Variants in SPHKAP observed in about 807,000 individuals in gnomAD.
SPHKAP encodes the protein A-kinase anchor protein SPHKAP.
A neutral mutation model predicts 137.5 loss-of-function variants in SPHKAP; 67 were observed. The observed-to-expected ratio is 0.49, with a 90% CI of 0.40 to 0.60. The LOEUF (loss-of-function observed/expected upper bound fraction) is 0.60, where lower values mean the gene tolerates loss of function less well. Ranked by LOEUF, SPHKAP falls within the 20% of genes least tolerant of loss-of-function variation. The pLI, the probability that SPHKAP is intolerant of heterozygous loss-of-function variation, is 0.00. For missense variants in SPHKAP, 2,097 were observed against 2,069.3 expected (o/e 1.01, Z -0.26); for synonymous variants, 813 against 785.3 (o/e 1.04, Z -0.59).
In SPHKAP at chr2:228,146,799, T is replaced by A. The variant is rs1699789829; in HGVS notation, c.33-14714A>T. 2.0e-5 allele frequency among the ~76,000 whole-genome samples: 3 copies of A among 152,370 alleles called. No homozygotes were observed. In the South Asian group the frequency reaches 6.2e-4, roughly 32 times the overall value. ...TGTACCACATTTTCTTTAACCAATC[T>A]GTCATTGATGAGCATATAGGTTCAT... On this transcript the variant is annotated intron_variant, in intron 1 of 11. Coordinates refer to ENST00000392056, the MANE Select transcript of SPHKAP (RefSeq NM_001142644.2).
chr2:228,060,082 CTG>C (rs2106285429), intron 3 of SPHKAP, among the ~76,000 whole-genome samples: 1 of 152,272 alleles, frequency 6.6e-6, no homozygotes, highest in East Asian at 1.9e-4. Flanking sequence ...ATGCTATAGT[CTG>C]TTCTTTTAAC....
chr2:228,095,337 G>A (rs1272155280), intron 3 of SPHKAP, among the ~76,000 whole-genome samples: 3 of 152,190 alleles, frequency 2.0e-5, no homozygotes, highest in Non-Finnish European at 4.4e-5. Context: ...AAGCAACCAG[G>A]CTTTTGGACA....
chr2:228,167,131 G>A (rs1700444797), intron 1 of SPHKAP, among the ~76,000 whole-genome samples: 1 of 152,188 alleles, frequency 6.6e-6, no homozygotes, highest in South Asian at 2.1e-4. Flanking sequence ...TCAGCAGGAG[G>A]TTTGGGTGGG....
At chr2:227,981,970 T>C (rs189998646) in intron 11 of SPHKAP, 110 bp from the exon 12 acceptor site, 862 of 1,401,528 alleles carry the variant, frequency 6.2e-4, no homozygotes, top group Non-Finnish European at 7.4e-4. Flanking sequence ...TTTAAATGTC[T>C]CTAGTGTCAG....
At chr2:228,099,718 G>A (rs1698122122) in intron 3 of SPHKAP, among the ~76,000 whole-genome samples, 1 of 151,986 alleles carries the variant, frequency 6.6e-6, no homozygotes, top group Non-Finnish European at 1.5e-5. Flanking sequence ...GTATTATGTA[G>A]TTCTCTTTGT....
At chr2:228,126,497 A>ATT (rs1699079659) in intron 2 of SPHKAP, among the ~76,000 whole-genome samples, 1 of 152,206 alleles carries the variant, frequency 6.6e-6, no homozygotes, top group South Asian at 2.1e-4. Context: ...CAATCACTAA[A>ATT]ACCTCAGTGT....
intron 1 of SPHKAP, among the ~76,000 whole-genome samples, chr2:228,165,750 T>G (rs1044072674): frequency 3.9e-5 from 6 of 152,242 alleles, no homozygotes; most frequent in African/African-American, 1.4e-4. Context: ...ATTACAAGAT[T>G]GTGTAAGAAA....
intron 1 of SPHKAP, among the ~76,000 whole-genome samples, chr2:228,170,792 T>G (rs1159058153): frequency 6.6e-6 from 1 of 152,160 alleles, no homozygotes; most frequent in Non-Finnish European, 1.5e-5. Flanking sequence ...ATTGTATTTT[T>G]CTGGAACCAA....
intron 7 of SPHKAP, among the ~76,000 whole-genome samples, chr2:228,003,329 A>G (rs544542310): frequency 1.4e-3 from 216 of 152,280 alleles, no homozygotes; most frequent in Middle Eastern, 6.8e-3. Flanking sequence ...CTTTGAAGCA[A>G]TTGTGAATGG....
intron 1 of SPHKAP, among the ~76,000 whole-genome samples, chr2:228,163,179 C>A (rs1474351654): frequency 1.3e-5 from 2 of 152,158 alleles, no homozygotes; most frequent in Non-Finnish European, 2.9e-5. Flanking sequence ...TCAGCAGCAA[C>A]AATGACAGGC....
At chr2:228,064,975 C>T (rs1696779865) in intron 3 of SPHKAP, among the ~76,000 whole-genome samples, 1 of 152,188 alleles carries the variant, frequency 6.6e-6, no homozygotes, top group Non-Finnish European at 1.5e-5. Flanking sequence ...ACATTATTTT[C>T]CCACCTTCCC....
At chr2:228,092,372 TAC>T (rs1213570189) in intron 3 of SPHKAP, among the ~76,000 whole-genome samples, 2 of 140,114 alleles carry the variant, frequency 1.4e-5, no homozygotes, top group African/African-American at 2.6e-5. Context: ...CACATATACA[TAC>T]AGATATACAT....
intron 1 of SPHKAP, among the ~76,000 whole-genome samples, chr2:228,150,422 G>A (rs909375427): frequency 2.0e-5 from 3 of 152,112 alleles, no homozygotes; most frequent in Non-Finnish European, 4.4e-5. Context: ...TTTTCTGTTA[G>A]AAGGTTTTTG....
intron 3 of SPHKAP, among the ~76,000 whole-genome samples, chr2:228,048,995 C>T (rs1179321271): frequency 6.6e-6 from 1 of 152,136 alleles, no homozygotes; most frequent in Non-Finnish European, 1.5e-5. Context: ...CCAACCTAGA[C>T]CGGGAAAGGG....
chr2:228,017,830 G>A lies in SPHKAP; in HGVS notation c.3024C>T (p.Asp1008=), dbSNP rs200492792. 2 of 1,614,072 alleles carry A rather than the reference G, an allele frequency of 1.2e-6. No homozygotes were observed. Among genetic ancestry groups the A allele is most frequent in the Non-Finnish European group, 1.7e-6 (2 of 1,180,006 alleles). ...PRLSEIKRKT[D]EHPELKEKLM... is the part of the protein sequence containing the mutation. ...GCTTTTCTTTAAGCTCAGGGTGCTC[G>A]TCCGTCTTCCTCTTGATCTCACTGA... The change falls in exon 7 of 12, where the codon GAC becomes GAT. Residue 1008 remains aspartate (D), a synonymous_variant. Transcript: ENST00000392056.
intron 3 of SPHKAP, among the ~76,000 whole-genome samples, chr2:228,037,770 A>T (rs529944057): frequency 6.6e-6 from 1 of 152,348 alleles, no homozygotes; most frequent in African/African-American, 2.4e-5. Flanking sequence ...AACCATGTGA[A>T]TACATTGATA....
At chr2:228,064,089 T>C (rs531549421) in intron 3 of SPHKAP, among the ~76,000 whole-genome samples, 2 of 152,232 alleles carry the variant, frequency 1.3e-5, no homozygotes, top group South Asian at 2.1e-4. Context: ...GAACTACCAA[T>C]AGAGATTACT....
At chr2:227,995,872 C>A in intron 7 of SPHKAP, 178 bp from the exon 8 acceptor site, 2 of 933,010 alleles carry the variant, frequency 2.1e-6, no homozygotes, top group Non-Finnish European at 2.6e-6. Flanking sequence ...CAGGATTACT[C>A]CCCATCAGCC....
chr2:228,143,011 C>T (rs1327586623), intron 1 of SPHKAP, among the ~76,000 whole-genome samples: 1 of 152,022 alleles, frequency 6.6e-6, no homozygotes, highest in African/African-American at 2.4e-5. Context: ...AGATGATAGA[C>T]ACCAAACGAA....
Sources: gnomAD v4.1 joint callset for allele counts (sites outside exome capture counted in the v4.1 genomes callset) on GRCh38, gnomAD v4.1.1 for gene constraint, MANE v1.5 for transcripts, NCBI Gene and HGNC (gene_info 2026-07-23, HGNC 2026-07-21) for gene names.